The following ARHGAP5 variants were observed in gnomAD, a reference collection of about 807,000 sequenced individuals.
ARHGAP5 encodes rho GTPase-activating protein 5.
A neutral mutation model predicts 116.6 loss-of-function variants in ARHGAP5; 23 were observed. The ratio of observed to expected loss-of-function variants is 0.20; its 90% CI spans 0.14 to 0.28. The LOEUF is 0.28. Ranked by LOEUF, ARHGAP5 falls within the 10% of genes least tolerant of loss-of-function variation. The probability of loss-of-function intolerance (pLI) is 1.00; values close to 1 mark genes in which losing one functional copy is unlikely to be tolerated. For synonymous variants in ARHGAP5, 574 were observed against 602.0 expected (o/e 0.95, Z 0.68); for missense variants, 1,405 against 1,774.8 (o/e 0.79, Z 3.74).
In ARHGAP5 at chr14:32,158,614, A is replaced by G. The variant is rs1266293901; in HGVS notation, c.*3666A>G. On this transcript the variant is annotated 3_prime_UTR_variant, in exon 7 of 7. Transcript: ENST00000345122. The stretch of plus-strand genomic sequence containing the variant: ...TGTTATCTTGAATTTAGTAGTTTCA[A>G]GGTACTTAAATTCTTAACAGTTTCT... 2 of 151,968 alleles carry G rather than the reference A, an allele frequency of 1.3e-5. No individual in the cohort carries two copies. The highest frequency in any genetic ancestry group is 2.1e-4 in the South Asian group (1 of 4,824). The allele number at this position is 151,968 out of a possible 1,614,324, so 9.4% of individuals were successfully genotyped here.
chr14:32,147,914 A>G (rs1361010247), intron 4 of ARHGAP5, among the ~76,000 whole-genome samples: 2 of 152,202 alleles, frequency 1.3e-5, no homozygotes, highest in Non-Finnish European at 2.9e-5. Context: ...GCACTTTGGG[A>G]GGCCAAGGTG....
chr14:32,103,254 C>T (rs545247025), intron 2 of ARHGAP5, among the ~76,000 whole-genome samples: 1 of 152,234 alleles, frequency 6.6e-6, no homozygotes, highest in African/African-American at 2.4e-5. Flanking sequence ...TACTATTTGC[C>T]ATTTCTTTGA....
intron 3 of ARHGAP5, among the ~76,000 whole-genome samples, chr14:32,141,469 A>G (rs564463674): frequency 2.0e-5 from 3 of 152,346 alleles, no homozygotes; most frequent in East Asian, 1.9e-4. Flanking sequence ...GCCCATTAAC[A>G]TAGACTTGTA....
Position 32,090,728 on chromosome 14 carries a change from T to C in ARHGAP5, c.59T>C (p.Leu20Pro). Residue 20 changes from leucine to proline, a missense_variant, in exon 2 of 7, where the codon CTC (leucine) becomes CCC (proline). Around this residue, in one of 6 missense-constraint regions of ARHGAP5, gnomAD observed 190 missense variants for 314.9 expected, o/e 0.60. Transcript: ENST00000345122. ...TCCTATACCATCAGTATAGTTGGAC[T>C]CTCTGGGACTGAAAAAGACAAAGGT... ...PPSYTISIVG[L>P]SGTEKDKGNC... 6.2e-7 allele frequency: 1 copy of C among 1,613,482 alleles called. No individual in the cohort carries two copies. The highest frequency in any genetic ancestry group is 8.5e-7 in the Non-Finnish European group (1 of 1,179,562).
At position 32,094,115 on chromosome 14, in the gene ARHGAP5, G is replaced by C; in HGVS notation, c.3446G>C (p.Arg1149Thr). The C allele has an allele frequency of 6.2e-7, 1 of 1,613,974 alleles. No homozygotes were observed. The highest frequency in any genetic ancestry group is 8.5e-7 in the Non-Finnish European group (1 of 1,179,982). ...ACCTCAAAAAGTCATGGGGAACGGA[G>C]GCCTTCAAAATACAAATATAAATCT... ...DRTSKSHGER[R>T]PSKYKYKSKT... is the part of the protein sequence containing the mutation. Residue 1149 changes from arginine to threonine, a missense_variant, in exon 2 of 7, where the codon AGG (arginine) becomes ACG (threonine). Transcript: ENST00000345122.
chr14:32,086,328 A>G lies in ARHGAP5; in HGVS notation c.-168-4174A>G, dbSNP rs1200954164. On this transcript the variant is annotated intron_variant, in intron 1 of 6. Coordinates refer to ENST00000345122, the MANE Select transcript of ARHGAP5 (RefSeq NM_001030055.2). ...ACAGGACTTGCTTTTTATTTTTAGC[A>G]GTACTCGAGAGTTTTAAACAAAAGA... Among the ~76,000 whole-genome samples, 11 of 152,136 alleles carry G rather than the reference A, an allele frequency of 7.2e-5. No individual in the cohort carries two copies. The East Asian group carries it at 1.9e-3, about 27-fold the overall frequency.
chr14:32,097,219 T>C (rs1025238959), intron 2 of ARHGAP5, among the ~76,000 whole-genome samples: 2 of 152,276 alleles, frequency 1.3e-5, no homozygotes, highest in African/African-American at 4.8e-5. Context: ...ATTCCAAGGG[T>C]TTTAAATAAG....
chr14:32,110,900 G>C (rs1879259291), intron 2 of ARHGAP5, among the ~76,000 whole-genome samples: 1 of 152,146 alleles, frequency 6.6e-6, no homozygotes. Flanking sequence ...CAACTGAAAG[G>C]ATAGAATTCC....
At chr14:32,090,234 G>A (rs1878175922) in intron 1 of ARHGAP5, among the ~76,000 whole-genome samples, 1 of 151,910 alleles carries the variant, frequency 6.6e-6, no homozygotes, top group Non-Finnish European at 1.5e-5. Flanking sequence ...GGGGTAATTA[G>A]AGGTAAAATG....
In ARHGAP5 at chr14:32,126,600, A is replaced by C. The variant is rs138655651; in HGVS notation, c.3865+9313A>C. Among the ~76,000 whole-genome samples the C allele has an allele frequency of 4.8e-3, 730 of 152,318 alleles. 10 individuals are homozygous for C. The highest frequency in any genetic ancestry group is 0.017 in the African/African-American group (714 of 41,568). ...CTAAGGTATTGGGGGTTAAGACTTCAACATATCTTTTTAGGACACAAAATT... is the reference window on the plus strand; with the variant it reads ...CTAAGGTATTGGGGGTTAAGACTTCCACATATCTTTTTAGGACACAAAATT... On this transcript the variant is annotated intron_variant, in intron 3 of 6. Coordinates refer to ENST00000345122, the MANE Select transcript of ARHGAP5 (RefSeq NM_001030055.2).
At chr14:32,094,858 T>C (rs1566663092) in intron 2 of ARHGAP5, among the ~76,000 whole-genome samples, 1 of 152,196 alleles carries the variant, frequency 6.6e-6, no homozygotes, top group Non-Finnish European at 1.5e-5. Flanking sequence ...CCTGAAGGTA[T>C]ACAGAAAGGT....
intron 2 of ARHGAP5, among the ~76,000 whole-genome samples, chr14:32,104,180 T>G (rs1490281269): frequency 6.6e-6 from 1 of 152,194 alleles, no homozygotes; most frequent in East Asian, 1.9e-4. Context: ...TTGGGGAAGC[T>G]GGGTAGAAAT....
Position 32,154,687 on chromosome 14 carries a change from C to A in ARHGAP5, c.4248C>A (p.Thr1416=). The part of the protein sequence containing the change: ...ADNLSICFWP[T]LMRPDFENRE... ...ACTTATCCATCTGTTTTTGGCCAAC[C>A]TTGATGAGACCTGATTTTGAAAATC... Residue 1416 remains threonine, a synonymous_variant, in exon 7 of 7, where the codon ACC becomes ACA. Transcript: ENST00000345122. 1 of 1,614,128 alleles carries A rather than the reference C, an allele frequency of 6.2e-7. No individual in the cohort carries two copies. Among genetic ancestry groups the A allele is most frequent in the South Asian group, 1.1e-5 (1 of 91,074 alleles).
rs866159964 is a variant in ARHGAP5, at chr14:32,117,199, C to T, written c.3777C>T (p.Tyr1259=). ...CACGTAGAAATTGGGAAAGTAATTA[C>T]TTTGGGATGCCCCTCCAGGATCTGG... ...PPTRRNWESN[Y]FGMPLQDLVT... is the part of the protein sequence containing the mutation. Residue 1259 remains tyrosine (Y), a synonymous_variant, in exon 3 of 7, where the codon TAC becomes TAT. Coordinates refer to ENST00000345122, the MANE Select transcript of ARHGAP5 (RefSeq NM_001030055.2). 2 of 1,612,400 alleles carry T rather than the reference C, an allele frequency of 1.2e-6. No homozygotes were observed. The highest frequency in any genetic ancestry group is 3.3e-4 in the Middle Eastern group (2 of 6,050).
At chr14:32,145,125 G>A (rs1881315990) in intron 3 of ARHGAP5, among the ~76,000 whole-genome samples, 1 of 152,170 alleles carries the variant, frequency 6.6e-6, no homozygotes, top group South Asian at 2.1e-4. Flanking sequence ...CTGCAAGGTG[G>A]GAGTGGAAGT....
intron 2 of ARHGAP5, among the ~76,000 whole-genome samples, chr14:32,116,090 AT>A (rs1241013008): frequency 6.7e-6 from 1 of 150,170 alleles, no homozygotes; most frequent in Non-Finnish European, 1.5e-5. Context: ...GATTGAGACT[AT>A]CCTGGCTGAT....
chr14:32,125,267 A>G (rs1419592453), intron 3 of ARHGAP5, among the ~76,000 whole-genome samples: 1 of 152,204 alleles, frequency 6.6e-6, no homozygotes, highest in African/African-American at 2.4e-5. Flanking sequence ...CACACAATGT[A>G]TGACCTTTTC....
chr14:32,136,171 A>G (rs1052813219), intron 3 of ARHGAP5, among the ~76,000 whole-genome samples: 3 of 152,214 alleles, frequency 2.0e-5, no homozygotes, highest in Non-Finnish European at 4.4e-5. Flanking sequence ...ATTTTAAAGT[A>G]TATAATTCAG....
At position 32,124,965 on chromosome 14, in the gene ARHGAP5, C is replaced by T. The variant is rs1274346408; in HGVS notation, c.3865+7678C>T. ...AAATTTTACTAAGAAGCATGATTAT[C>T]AACATTTGAATGAGAATGATTTTTT... On this transcript the variant is annotated intron_variant, in intron 3 of 6. Coordinates refer to ENST00000345122, the MANE Select transcript of ARHGAP5 (RefSeq NM_001030055.2). Among the ~76,000 whole-genome samples the T allele has an allele frequency of 5.9e-5, 9 of 152,240 alleles. No homozygotes were observed. In the East Asian group the frequency reaches 1.7e-3, roughly 29 times the overall value.
Sources: gnomAD v4.1 joint callset for allele counts (sites outside exome capture counted in the v4.1 genomes callset) on GRCh38, gnomAD v4.1.1 for gene constraint, gnomAD v4.1.1 regional missense constraint, MANE v1.5 for transcripts, NCBI Gene and HGNC (gene_info 2026-07-23, HGNC 2026-07-21) for gene names.